Variants in PTPRU observed in about 807,000 individuals in gnomAD.
PTPRU encodes the protein protein tyrosine phosphatase receptor type U.
A neutral mutation model predicts 166.3 loss-of-function variants in PTPRU; 69 were observed. That is an observed-to-expected ratio of 0.41 (90% CI 0.34 to 0.51). PTPRU has a LOEUF of 0.51. Among genes scored for constraint, PTPRU ranks in the 20% least tolerant of loss-of-function variants. PTPRU has a pLI of 0.09. For missense variants in PTPRU, 1,657 were observed against 2,013.7 expected (o/e 0.82, Z 3.39); for synonymous variants, 793 against 814.0 (o/e 0.97, Z 0.44).
chr1:29,311,860 C>A lies in PTPRU; in HGVS notation c.3072+101C>A. ...CCTGGGAGCAGGAGGGTGAGGAGCG[C>A]ACCACTGCCCATCCCAGCAAGGAAG... On this transcript the variant is annotated intron_variant, in intron 21 of 29. Transcript: ENST00000373779. This position sits in a 1 kb window ranked among gnomAD's most constrained non-coding sequence, Gnocchi z 4.1. The A allele has an allele frequency of 8.8e-7, 1 of 1,130,428 alleles. No homozygotes were observed. Among genetic ancestry groups the A allele is most frequent in the South Asian group, 1.4e-5 (1 of 69,732 alleles). 70.0% of individuals were successfully genotyped at this position (1,130,428 alleles called of 1,614,324 possible).
chr1:29,255,381 C>T lies in PTPRU; in HGVS notation c.180C>T (p.Thr60=), dbSNP rs909776587. 6 of 1,614,144 alleles carry T rather than the reference C, an allele frequency of 3.7e-6. No homozygotes were observed. Among genetic ancestry groups the T allele is most frequent in the Non-Finnish European group, 5.1e-6 (6 of 1,180,004 alleles). Residue 60 remains threonine (T), a synonymous_variant, in exon 2 of 30, where the codon ACC becomes ACT. Transcript: ENST00000373779. ...AGCAAGTGCGAATCCACCCTGGCAC[C>T]CGGGCACCTGCGGACCTGCCCCACG... ...QWEQVRIHPG[T]RAPADLPHGS...
intron 1 of PTPRU, among the ~76,000 whole-genome samples, chr1:29,247,964 C>T (rs1184993810): frequency 2.0e-5 from 3 of 152,190 alleles, no homozygotes. Flanking sequence ...AATGGGCATA[C>T]TGCTCCCAGC....
intron 15 of PTPRU, among the ~76,000 whole-genome samples, chr1:29,298,327 A>G (rs1160662116): frequency 6.6e-6 from 1 of 150,972 alleles, no homozygotes; most frequent in East Asian, 1.9e-4. Context: ...GCTGTGCCTC[A>G]GCACATTCTC....
chr1:29,310,980 C>G (rs80016448), intron 19 of PTPRU, among the ~76,000 whole-genome samples, 200 bp downstream of exon 19: 2,947 of 152,262 alleles, frequency 0.019, 93 homozygotes, highest in African/African-American at 0.066. Context: ...CTGCCTTTGT[C>G]CCCTCTTTGT....
rs1033221973 is a variant in PTPRU at position 29,261,050 on chromosome 1, A to G, written c.1144+147A>G. 3.1e-6 allele frequency: 3 copies of G among 963,972 alleles called. No individual in the cohort carries two copies. The African/African-American group carries it at 5.1e-5, about 17-fold the overall frequency. 59.7% of individuals were successfully genotyped at this position (963,972 alleles called of 1,614,324 possible). On this transcript the variant is annotated intron_variant, in intron 7 of 29. Coordinates refer to ENST00000373779, the MANE Select transcript of PTPRU (RefSeq NM_133178.4). ...AACCCTTGTTATGGTAAAGATAATG[A>G]TAGCTAATACTTTACTTTGTGTCAG...
chr1:29,283,226 C>T (rs1686177944), intron 12 of PTPRU, among the ~76,000 whole-genome samples: 1 of 150,954 alleles, frequency 6.6e-6, no homozygotes, highest in Non-Finnish European at 1.5e-5. Context: ...CCCATTGCCC[C>T]ACCTCCAATA....
At position 29,260,291 on chromosome 1, in the gene PTPRU, G is replaced by T. The variant is rs910608075; in HGVS notation, c.850+247G>T. ...AGGTGAGAGCCTAAAGAGGGGTGGG[G>T]TTCTGGCTGTGTGACTTCTGTGTTG... On this transcript the variant is annotated intron_variant, in intron 6 of 29. Coordinates refer to ENST00000373779, the MANE Select transcript of PTPRU (RefSeq NM_133178.4). The surrounding 1 kb of genome is among the most constrained non-coding windows in gnomAD (Gnocchi z 8.3). 3.6e-5 allele frequency: 18 copies of T among 494,202 alleles called. No homozygotes were observed. Among genetic ancestry groups the T allele is most frequent in the Admixed American group, 1.7e-4 (4 of 23,986 alleles). The allele number at this position is 494,202 out of a possible 1,614,324, so 30.6% of individuals were successfully genotyped here.
intron 7 of PTPRU, among the ~76,000 whole-genome samples, chr1:29,270,910 C>G (rs1364957509): frequency 2.0e-5 from 3 of 152,124 alleles, no homozygotes; most frequent in African/African-American, 7.2e-5. Flanking sequence ...AATGATAGCA[C>G]CACTGCACTC....
At chr1:29,305,662 A>C (rs751274940) in intron 18 of PTPRU, 78 of 710,940 alleles carry the variant, frequency 1.1e-4, no homozygotes, top group Middle Eastern at 7.1e-4. Context: ...GCTTTAGAGA[A>C]GCAAAGCAAA....
In PTPRU at chr1:29,325,541, C is replaced by A. The variant is rs1005416809; in HGVS notation, c.4249-58C>A. On this transcript the variant is annotated intron_variant, in intron 29 of 29. Coordinates refer to ENST00000373779, the MANE Select transcript of PTPRU (RefSeq NM_133178.4). The stretch of plus-strand genomic sequence containing the variant: ...CCTCTCACTCCCCGTTCCCCTCCCC[C>A]CACAATACTGGAGTTGGGGTCAGGC... The A allele has an allele frequency of 3.2e-6, 5 of 1,558,290 alleles. No homozygotes were observed. In the South Asian group the frequency reaches 3.3e-5, roughly 10 times the overall value.
chr1:29,276,879 A>G (rs1557439504), intron 8 of PTPRU, among the ~76,000 whole-genome samples: 1 of 152,172 alleles, frequency 6.6e-6, no homozygotes, highest in East Asian at 1.9e-4. Context: ...GATCATTAAT[A>G]CTGAGCCCTT....
At position 29,279,456 on chromosome 1, in the gene PTPRU, A is replaced by G. The variant is rs907609500; in HGVS notation, c.1564A>G (p.Ile522Val). 4 of 1,613,998 alleles carry G rather than the reference A, an allele frequency of 2.5e-6. No individual in the cohort carries two copies. Among genetic ancestry groups the G allele is most frequent in the Non-Finnish European group, 2.5e-6 (3 of 1,179,928 alleles). ...EPNGLITQYE[I>V]SYQSIESSDP... The stretch of plus-strand genomic sequence containing the variant: ...ACCTGCCTGCCAATCCTGCCCCCAG[A>G]TCAGCTACCAGAGCATCGAGTCATC... Residue 522 changes from isoleucine (I) to valine (V), a missense_variant and splice_region_variant, in exon 10 of 30, where the codon ATC becomes GTC. Physicochemically the swap from Ile to Val is conservative, Grantham distance 29. Coordinates refer to ENST00000373779, the MANE Select transcript of PTPRU (RefSeq NM_133178.4). The surrounding 1 kb of genome is among the most constrained non-coding windows in gnomAD (Gnocchi z 5.2).
In PTPRU at chr1:29,275,735, A is replaced by G; in HGVS notation, c.1432A>G (p.Thr478Ala). The G allele has an allele frequency of 6.2e-7, 1 of 1,614,128 alleles. No individual in the cohort carries two copies. Among genetic ancestry groups the G allele is most frequent in the Non-Finnish European group, 8.5e-7 (1 of 1,179,988 alleles). ...GGGGCGCAAAGAGGGCAAGGAGGTC[A>G]CTTTCCAGACGGATGAGGATGGTAA... Reference protein sequence around the residue: ...PEGRKEGKEVTFQTDEDVPSG... With the variant: ...PEGRKEGKEVAFQTDEDVPSG... The change falls in exon 8 of 30, where the codon ACT becomes GCT. Residue 478 changes from threonine (T) to alanine (A), a missense_variant. By Grantham distance (58) the Thr-to-Ala change is moderately conservative. This residue lies in a region of PTPRU where 1,190 missense variants were observed against 1,477.4 expected (regional missense o/e 0.81). Transcript: ENST00000373779.
chr1:29,303,656 G>A (rs1687244780), intron 15 of PTPRU, among the ~76,000 whole-genome samples, 199 bp from the exon 16 acceptor site: 3 of 152,206 alleles, frequency 2.0e-5, no homozygotes, highest in Admixed American at 2.0e-4. Context: ...CATTCTACAG[G>A]TGGAACCGAG....
chr1:29,275,660 C>G lies in PTPRU; in HGVS notation c.1357C>G (p.Leu453Val). The stretch of plus-strand genomic sequence containing the variant: ...TGTCAGCCGCTACACCATCAAGAAC[C>G]TGCTGCCCTATCGGAACGTTCACGT... Reference protein sequence around the residue: ...QGVSRYTIKNLLPYRNVHVRL... With the variant: ...QGVSRYTIKNVLPYRNVHVRL... The change falls in exon 8 of 30, where the codon CTG (leucine) becomes GTG (valine). Residue 453 changes from leucine (L) to valine (V), a missense_variant. Physicochemically the swap from Leu to Val is conservative, Grantham distance 32 (BLOSUM62 1). Transcript: ENST00000373779. The G allele has an allele frequency of 6.2e-7, 1 of 1,614,158 alleles. No individual in the cohort carries two copies. Among genetic ancestry groups the G allele is most frequent in the Non-Finnish European group, 8.5e-7 (1 of 1,180,022 alleles).
At chr1:29,316,205 T>G (rs1388071911) in intron 24 of PTPRU, 54 bp downstream of exon 24, 1 of 1,561,494 alleles carries the variant, frequency 6.4e-7, no homozygotes, top group Non-Finnish European at 8.7e-7. Context: ...GTGTGTGTGT[T>G]GGGGCATCCT....
At chr1:29,259,585 T>TG (rs1203889212) in intron 5 of PTPRU, 21 bp downstream of exon 5, 1 of 360,444 alleles carries the variant, frequency 2.8e-6, no homozygotes, top group Non-Finnish European at 5.4e-6. Flanking sequence ...GCGGTGATCT[T>TG]GGCTGGGGGC....
chr1:29,261,350 A>G (rs1320849770), intron 7 of PTPRU, among the ~76,000 whole-genome samples: 2 of 152,210 alleles, frequency 1.3e-5, no homozygotes, highest in Non-Finnish European at 2.9e-5. Context: ...TATATTATAC[A>G]TTCTAGCTGG....
Position 29,294,334 on chromosome 1 carries a change from G to A in PTPRU, c.2476+2308G>A, listed in dbSNP as rs542583384. On this transcript the variant is annotated intron_variant, in intron 15 of 29. Transcript: ENST00000373779. Reference sequence around the variant, plus strand: ...TCACTGATGACTAATGAAGTTGAACGTATTTTCAAGTCATCAATGGCCATT... The same window carrying A: ...TCACTGATGACTAATGAAGTTGAACATATTTTCAAGTCATCAATGGCCATT... 2.6e-5 allele frequency among the ~76,000 whole-genome samples: 4 copies of A among 152,288 alleles called. No homozygotes were observed. The East Asian group carries it at 5.8e-4, about 22-fold the overall frequency.
Sources: allele counts gnomAD v4.1 joint callset (sites outside exome capture counted in the v4.1 genomes callset), GRCh38; gene constraint gnomAD v4.1.1; regional missense constraint gnomAD v4.1.1; non-coding constraint Gnocchi (gnomAD v3.1); transcripts MANE v1.5; gene names NCBI Gene and HGNC (gene_info 2026-07-23, HGNC 2026-07-21).